KIAA1217: variants seen among roughly 807,000 people sequenced by gnomAD.
KIAA1217 encodes KIAA1217, also known as sickle tail protein homolog.
A neutral mutation model predicts 163.9 loss-of-function variants in KIAA1217; 88 were observed. That is an observed-to-expected ratio of 0.54 (90% confidence interval 0.45 to 0.64). KIAA1217 has a LOEUF of 0.64. Ranked by LOEUF, KIAA1217 falls within the 30% of genes least tolerant of loss-of-function variation. The probability of loss-of-function intolerance (pLI) is 0.00; values close to 1 mark genes in which losing one functional copy is unlikely to be tolerated. For synonymous variants in KIAA1217, 903 were observed against 923.1 expected (o/e 0.98, Z 0.39); for missense variants, 2,372 against 2,475.0 (o/e 0.96, Z 0.88).
chr10:24,331,511 T>A (rs1034791289), intron 2 of KIAA1217, among the ~76,000 whole-genome samples: 2 of 152,184 alleles, frequency 1.3e-5, no homozygotes, highest in South Asian at 4.1e-4. Flanking sequence ...TATGACTTAA[T>A]GAAATTCCAG....
intron 2 of KIAA1217, among the ~76,000 whole-genome samples, chr10:24,162,366 A>T: frequency 6.6e-6 from 1 of 152,350 alleles, no homozygotes; most frequent in East Asian, 1.9e-4. Flanking sequence ...TGCCAAGGGA[A>T]GTTGAGCACA....
intron 2 of KIAA1217, among the ~76,000 whole-genome samples, chr10:24,060,274 T>G (rs904219017): frequency 1.3e-5 from 2 of 152,210 alleles, no homozygotes; most frequent in Non-Finnish European, 2.9e-5. Context: ...TATAAATTTC[T>G]CTCTTAGCAC....
At chr10:24,047,283 G>T (rs535596469) in intron 2 of KIAA1217, among the ~76,000 whole-genome samples, 2 of 152,258 alleles carry the variant, frequency 1.3e-5, no homozygotes, top group East Asian at 3.9e-4. Context: ...ACATGACCTG[G>T]TGGTCCTAGT....
intron 3 of KIAA1217, among the ~76,000 whole-genome samples, chr10:24,431,199 A>G (rs1411655241): frequency 1.3e-5 from 2 of 152,174 alleles, no homozygotes; most frequent in African/African-American, 4.8e-5. Context: ...AATGTATTAC[A>G]TGGGCTGCCA....
At chr10:24,114,967 G>A (rs565103400) in intron 2 of KIAA1217, among the ~76,000 whole-genome samples, 5 of 152,278 alleles carry the variant, frequency 3.3e-5, no homozygotes, top group African/African-American at 1.2e-4. Flanking sequence ...TGCTCAACTG[G>A]TTCCTTCTCA....
intron 2 of KIAA1217, among the ~76,000 whole-genome samples, chr10:24,129,833 C>T (rs1427498407): frequency 2.6e-5 from 4 of 151,992 alleles, no homozygotes; most frequent in Non-Finnish European, 5.9e-5. Flanking sequence ...TCTTTTTATG[C>T]CATTCCATTG....
At chr10:23,761,867 G>C (rs1377517910) in intron 1 of KIAA1217, among the ~76,000 whole-genome samples, 1 of 151,790 alleles carries the variant, frequency 6.6e-6, no homozygotes, top group Non-Finnish European at 1.5e-5. Flanking sequence ...TTCCTAGCTA[G>C]ACTAATAAAG....
At chr10:24,246,717 T>C (rs1237420344) in intron 2 of KIAA1217, among the ~76,000 whole-genome samples, 1 of 152,228 alleles carries the variant, frequency 6.6e-6, no homozygotes, top group Non-Finnish European at 1.5e-5. Flanking sequence ...ACCGTGAACA[T>C]GTAACTATTT....
intron 2 of KIAA1217, among the ~76,000 whole-genome samples, chr10:24,312,150 CT>C (rs1418491688): frequency 6.6e-6 from 1 of 152,164 alleles, no homozygotes; most frequent in Non-Finnish European, 1.5e-5. Flanking sequence ...TGCTCTCTCC[CT>C]GAGCCTTTCA....
At chr10:24,353,247 C>T (rs564448692) in intron 2 of KIAA1217, among the ~76,000 whole-genome samples, 45 of 152,182 alleles carry the variant, frequency 3.0e-4, no homozygotes, top group Admixed American at 1.8e-3. Context: ...TCCATTTGGA[C>T]CTCATTTATG....
chr10:24,240,490 T>C (rs1333688960), intron 2 of KIAA1217, among the ~76,000 whole-genome samples: 1 of 152,252 alleles, frequency 6.6e-6, no homozygotes, highest in Non-Finnish European at 1.5e-5. Flanking sequence ...CTCACATTCA[T>C]ATTAAATTGT....
intron 2 of KIAA1217, among the ~76,000 whole-genome samples, chr10:24,088,231 T>C (rs1290048169): frequency 1.9e-5 from 2 of 106,568 alleles, no homozygotes; most frequent in African/African-American, 6.5e-5. Flanking sequence ...ACTTGTGTCC[T>C]CCCAGGCTCT....
rs145824406 is a variant in KIAA1217 at position 23,800,724 on chromosome 10, A to C, written c.-321+105490A>C. Among the ~76,000 whole-genome samples the C allele has an allele frequency of 3.9e-5, 6 of 152,322 alleles. No individual in the cohort carries two copies. The East Asian group carries it at 1.2e-3, about 29-fold the overall frequency. On this transcript the variant is annotated intron_variant, in intron 1 of 18. Coordinates refer to the KIAA1217 transcript ENST00000376462. ...ATTAAAAAAGCAAACATATGAAAAA[A>C]ACCTTATTATCACTGGTTATTAGAG...
At chr10:24,099,260 A>G (rs148049136) in intron 2 of KIAA1217, among the ~76,000 whole-genome samples, 7,367 of 148,188 alleles carry the variant, frequency 0.05, 238 homozygotes, top group African/African-American at 0.089. Flanking sequence ...ATGTATACAT[A>G]TGCCATGTTG....
At chr10:24,174,944 G>A (rs2065799881) in intron 2 of KIAA1217, among the ~76,000 whole-genome samples, 1 of 152,024 alleles carries the variant, frequency 6.6e-6, no homozygotes, top group African/African-American at 2.4e-5. Flanking sequence ...TGCAACCTCT[G>A]CCTCCCGGGT....
chr10:23,837,161 T>C (rs1838507563), intron 1 of KIAA1217, among the ~76,000 whole-genome samples: 1 of 152,166 alleles, frequency 6.6e-6, no homozygotes, highest in Admixed American at 6.5e-5. Flanking sequence ...GGCTTCCAGG[T>C]CCTTCCATGA....
intron 1 of KIAA1217, among the ~76,000 whole-genome samples, chr10:23,801,373 G>A (rs1354472369): frequency 6.6e-6 from 1 of 152,188 alleles, no homozygotes. Flanking sequence ...AATACCTAAT[G>A]TAGATGATGG....
intron 2 of KIAA1217, among the ~76,000 whole-genome samples, chr10:24,140,022 C>CTTTTT (rs2063990430): frequency 1.3e-5 from 2 of 150,470 alleles, no homozygotes; most frequent in Non-Finnish European, 1.5e-5. Context: ...TTTTTTCCCC[C>CTTTTT]TTATCAAATT....
chr10:24,093,995 G>A (rs1406864472), intron 2 of KIAA1217, among the ~76,000 whole-genome samples: 2 of 151,564 alleles, frequency 1.3e-5, no homozygotes, highest in Admixed American at 6.6e-5. Context: ...ATTTTTTATG[G>A]CTGCATAGTA....
Sources: gnomAD v4.1 joint callset for allele counts (sites outside exome capture counted in the v4.1 genomes callset) on GRCh38, gnomAD v4.1.1 for gene constraint, MANE v1.5 for transcripts, NCBI Gene and HGNC (gene_info 2026-07-23, HGNC 2026-07-21) for gene names.